Variants in UAP1 observed in about 807,000 individuals in gnomAD.
The protein encoded by UAP1 is UDP-N-acetylhexosamine pyrophosphorylase.
A neutral mutation model predicts 58.5 loss-of-function variants in UAP1; 25 were observed. That is an observed-to-expected ratio of 0.43 (90% confidence interval 0.31 to 0.60). UAP1 has a LOEUF of 0.60. UAP1 is among the 20% of genes least tolerant of loss of function. The pLI is 0.11. For missense variants in UAP1, 575 were observed against 630.0 expected (o/e 0.91, Z 0.93); for synonymous variants, 208 against 213.0 (o/e 0.98, Z 0.21).
At chr1:162,584,298 C>G (rs1654779836) in intron 5 of UAP1, among the ~76,000 whole-genome samples, 1 of 152,090 alleles carries the variant, frequency 6.6e-6, no homozygotes, top group Non-Finnish European at 1.5e-5. Context: ...TCAGATGGAA[C>G]CAAAACATGA....
At chr1:162,600,313 G>C (rs1349166238), downstream of UAP1, among the ~76,000 whole-genome samples, 1 of 152,068 alleles carries the variant, frequency 6.6e-6, no homozygotes, top group African/African-American at 2.4e-5. Flanking sequence ...AATTTTCTCT[G>C]GTAGGCTATT....
chr1:162,565,597 C>T (rs1386713055), intron 1 of UAP1, among the ~76,000 whole-genome samples: 1 of 152,148 alleles, frequency 6.6e-6, no homozygotes, highest in East Asian at 1.9e-4. Context: ...ATTAAGCAGT[C>T]AGGTGTTCTT....
At chr1:162,577,062 T>C (rs1654234229) in intron 3 of UAP1, 81 bp downstream of exon 3, 2 of 1,303,890 alleles carry the variant, frequency 1.5e-6, no homozygotes, top group South Asian at 2.7e-5. Flanking sequence ...CTTTATGCAC[T>C]CACAGACATA....
chr1:162,581,419 T>C (rs781598168), exon 5 of UAP1: 4 of 1,614,110 alleles, frequency 2.5e-6, no homozygotes, highest in Non-Finnish European at 3.4e-6. Flanking sequence ...CCACGGTTCA[T>C]TGGATTTTGC....
At chr1:162,579,660 A>G (rs1222444263) in intron 4 of UAP1, 57 bp downstream of exon 4, 1 of 1,337,566 alleles carries the variant, frequency 7.5e-7, no homozygotes, top group African/African-American at 1.5e-5. Flanking sequence ...TAAATCATCA[A>G]ATGTTGATTT....
At chr1:162,586,954 T>C (rs777506894) in intron 5 of UAP1, among the ~76,000 whole-genome samples, 1 of 152,184 alleles carries the variant, frequency 6.6e-6, no homozygotes, top group Admixed American at 6.5e-5. Flanking sequence ...CTTTACCTCC[T>C]ACTCAGGTCC....
intron 5 of UAP1, among the ~76,000 whole-genome samples, chr1:162,586,395 C>T (rs975523876): frequency 1.3e-5 from 2 of 152,122 alleles, no homozygotes; most frequent in African/African-American, 2.4e-5. Flanking sequence ...GGTGCAATCA[C>T]GTTTCACTGT....
intron 6 of UAP1, 158 bp downstream of exon 6, chr1:162,587,826 T>TTTTA: frequency 1.4e-6 from 1 of 735,342 alleles, no homozygotes; most frequent in South Asian, 2.4e-5. Context: ...TTGTGATTGT[T>TTTTA]TTTAGTAAGA....
intron 8 of UAP1, among the ~76,000 whole-genome samples, chr1:162,592,129 G>C (rs1378618678): frequency 6.6e-6 from 1 of 152,194 alleles, no homozygotes; most frequent in Non-Finnish European, 1.5e-5. Flanking sequence ...TGGACACGGT[G>C]GTTTGTGCCT....
At chr1:162,565,619 T>G (rs1031631362) in intron 1 of UAP1, among the ~76,000 whole-genome samples, 5 of 152,308 alleles carry the variant, frequency 3.3e-5, no homozygotes, top group African/African-American at 1.2e-4. Flanking sequence ...CAGTGGTAGC[T>G]TAGTGGTCAG....
intron 8 of UAP1, among the ~76,000 whole-genome samples, chr1:162,591,729 G>A (rs1238409897): frequency 2.0e-5 from 3 of 151,214 alleles, no homozygotes; most frequent in Non-Finnish European, 2.9e-5. Context: ...CAGGTGATCC[G>A]CCCGCTTTGG....
intron 9 of UAP1, among the ~76,000 whole-genome samples, chr1:162,594,551 G>C (rs540423044): frequency 4.3e-4 from 66 of 152,250 alleles, no homozygotes; most frequent in African/African-American, 1.5e-3. Flanking sequence ...CCTGCCTTGG[G>C]AACTGGGATG....
At chr1:162,573,304 G>A (rs1643951564) in intron 2 of UAP1, among the ~76,000 whole-genome samples, 1 of 152,110 alleles carries the variant, frequency 6.6e-6, no homozygotes. Flanking sequence ...TGGTGGCAGG[G>A]TGGTGTGGTG....
intron 8 of UAP1, among the ~76,000 whole-genome samples, chr1:162,591,306 A>C (rs1435406097): frequency 6.6e-6 from 1 of 152,150 alleles, no homozygotes; most frequent in Non-Finnish European, 1.5e-5. Flanking sequence ...ATTGTAGTCC[A>C]ATGGCAGTTT....
chr1:162,598,942 G>A (rs563271079), intron 10 of UAP1, among the ~76,000 whole-genome samples: 64 of 152,200 alleles, frequency 4.2e-4, no homozygotes, highest in Middle Eastern at 3.4e-3. Context: ...CTTGAAACTG[G>A]GAGGTGGGGG....
intron 2 of UAP1, among the ~76,000 whole-genome samples, chr1:162,573,146 C>G (rs1038001361): frequency 2.0e-5 from 3 of 152,108 alleles, no homozygotes; most frequent in African/African-American, 7.2e-5. Flanking sequence ...GTTTATGGGT[C>G]TTGCTTAAGG....
At position 162,566,271 on chromosome 1, in the gene UAP1, G is replaced by T. The variant is rs953747610; in HGVS notation, c.203G>T (p.Arg68Leu). ...TCTCACCAAAAGAATGTGGATGCAC[G>T]AATGGAACCTGTGCCTCGAGAGGTA... is the stretch of plus-strand genomic sequence containing the variant. Residue 68 changes from arginine to leucine, a missense_variant, in exon 2 of 11, where the codon CGA becomes CTA. Transcript: ENST00000271469. 3 of 1,614,020 alleles carry T rather than the reference G, an allele frequency of 1.9e-6. No homozygotes were observed. The African/African-American group carries it at 4.0e-5, about 22-fold the overall frequency.
intron 2 of UAP1, among the ~76,000 whole-genome samples, chr1:162,567,486 A>C (rs184755159): frequency 6.6e-6 from 1 of 152,340 alleles, no homozygotes; most frequent in East Asian, 1.9e-4. Context: ...GAGAATGGCA[A>C]AATAGCTCAA....
At chr1:162,567,636 A>G (rs1371535214) in intron 2 of UAP1, among the ~76,000 whole-genome samples, 1 of 152,174 alleles carries the variant, frequency 6.6e-6, no homozygotes, top group Admixed American at 6.5e-5. Flanking sequence ...CATTTTCTCA[A>G]CTGTGAATGA....
Sources: gnomAD v4.1 joint callset for allele counts (sites outside exome capture counted in the v4.1 genomes callset) on GRCh38, gnomAD v4.1.1 for gene constraint, MANE v1.5 for transcripts, NCBI Gene and HGNC (gene_info 2026-07-23, HGNC 2026-07-21) for gene names.